PDE1B: variants seen among roughly 807,000 people sequenced by gnomAD.
The protein encoded by PDE1B is phosphodiesterase 1B.
A neutral mutation model predicts 66.7 loss-of-function variants in PDE1B; 13 were observed. The ratio of observed to expected loss-of-function variants is 0.19; its 90% CI spans 0.13 to 0.31. The LOEUF is 0.31. PDE1B is among the 10% of genes least tolerant of loss of function. The pLI is 1.00. For synonymous variants in PDE1B, 230 were observed against 253.9 expected, an observed-to-expected ratio of 0.91 and a Z score of 0.90; for missense variants, 485 against 682.3, an observed-to-expected ratio of 0.71 and a Z score of 3.22.
intron 2 of PDE1B, among the ~76,000 whole-genome samples, chr12:54,556,484 T>C (rs1277378657): frequency 6.6e-6 from 1 of 152,174 alleles, no homozygotes; most frequent in Non-Finnish European, 1.5e-5. Flanking sequence ...CTGCAACTGC[T>C]CCTTTTCCCT....
At chr12:54,566,126 C>T (rs368786582) in intron 2 of PDE1B, among the ~76,000 whole-genome samples, 1 of 152,192 alleles carries the variant, frequency 6.6e-6, no homozygotes, top group African/African-American at 2.4e-5. Flanking sequence ...AAGAAGTCTC[C>T]CAGTTAATCA....
In PDE1B at chr12:54,549,888, C is replaced by T. The variant is rs754159141; in HGVS notation, c.16C>T (p.Arg6Cys). The change falls in exon 2 of 16, where the codon CGC (arginine) becomes TGC (cysteine). Residue 6 changes from arginine to cysteine, a missense_variant. Coordinates refer to ENST00000243052, the MANE Select transcript of PDE1B (RefSeq NM_000924.4). Reference sequence around the variant, plus strand: ...GTGGCTGAGCATGGAGCTGTCCCCCCGCAGTCCTCCGGAGATGCTGGAGGA... The same window carrying T: ...GTGGCTGAGCATGGAGCTGTCCCCCTGCAGTCCTCCGGAGATGCTGGAGGA... MELSP[R>C]SPPEMLEESD... is the part of the protein sequence containing the mutation. 1 of 1,613,712 alleles carries T rather than the reference C, an allele frequency of 6.2e-7. No homozygotes were observed. Among genetic ancestry groups the T allele is most frequent in the Non-Finnish European group, 8.5e-7 (1 of 1,179,660 alleles).
At chr12:54,557,085 G>A (rs1957351056) in intron 2 of PDE1B, among the ~76,000 whole-genome samples, 2 of 152,158 alleles carry the variant, frequency 1.3e-5, no homozygotes, top group African/African-American at 4.8e-5. Context: ...GGCCTGGACT[G>A]AGTGAACACA....
chr12:54,575,870 C>A lies in PDE1B; in HGVS notation c.1268-122C>A. ...GCCCTGCATTGGGAAGTTTTCAGCC[C>A]CAGGTTACCTCTCCATCCTCTTTCA... On this transcript the variant is annotated intron_variant, in intron 12 of 15. Coordinates refer to ENST00000243052, the MANE Select transcript of PDE1B (RefSeq NM_000924.4). This position sits in a 1 kb window ranked among gnomAD's most constrained non-coding sequence, Gnocchi z 4.0. 1.2e-6 allele frequency: 1 copy of A among 821,140 alleles called. No homozygotes were observed. Among genetic ancestry groups the A allele is most frequent in the Admixed American group, 1.8e-5 (1 of 55,646 alleles). 50.9% of individuals were successfully genotyped at this position (821,140 alleles called of 1,614,324 possible).
rs373565313 is a variant in PDE1B at position 54,573,164 on chromosome 12, T to C, written c.752T>C (p.Ile251Thr). ...CTCCTGTAGCACTGCCTGTCGGAGA[T>C]TGAGCTCCTGGCCATCATCTTTGCT... ...RTGMVHCLSEIELLAIIFAAA... is the reference protein window; with the variant it reads ...RTGMVHCLSETELLAIIFAAA... Residue 251 changes from isoleucine to threonine, a missense_variant, in exon 8 of 16, where the codon ATT (isoleucine) becomes ACT (threonine). Around this residue, in one of 4 missense-constraint regions of PDE1B, gnomAD observed 282 missense variants for 453.4 expected, o/e 0.62. Transcript: ENST00000243052. The surrounding 1 kb of genome is among the most constrained non-coding windows in gnomAD (Gnocchi z 5.2). 1.1e-5 allele frequency: 18 copies of C among 1,613,806 alleles called. No individual in the cohort carries two copies. The highest frequency in any genetic ancestry group is 1.6e-4 in the Middle Eastern group (1 of 6,084).
At chr12:54,568,019 C>T (rs931256142) in intron 3 of PDE1B, among the ~76,000 whole-genome samples, 5 of 152,114 alleles carry the variant, frequency 3.3e-5, no homozygotes, top group Non-Finnish European at 7.4e-5. Context: ...CTACGCCCAG[C>T]TAATTTTTGT....
chr12:54,571,869 T>G (rs1391026102), intron 6 of PDE1B: 1 of 152,216 alleles, frequency 6.6e-6, no homozygotes, highest in Non-Finnish European at 1.5e-5. Flanking sequence ...GTCACTATAT[T>G]GCTCATCTCT....
chr12:54,552,628 C>T (rs535751947), intron 2 of PDE1B, among the ~76,000 whole-genome samples: 91 of 152,326 alleles, frequency 6.0e-4, no homozygotes, highest in Middle Eastern at 3.4e-3. Context: ...CTGTTTCCCA[C>T]ACTAAGACCC....
At chr12:54,572,517 A>G (rs1957634004) in intron 6 of PDE1B, 84 bp from the exon 7 acceptor site, 1 of 1,346,626 alleles carries the variant, frequency 7.4e-7, no homozygotes, top group South Asian at 1.2e-5. Context: ...ACTGCCTTCT[A>G]AAGAAAGTTG....
chr12:54,576,189 C>T, intron 13 of PDE1B, 89 bp downstream of exon 13: 1 of 837,474 alleles, frequency 1.2e-6, no homozygotes, highest in East Asian at 2.5e-5. Context: ...CGACTCACAG[C>T]CATGGTGGGG....
chr12:54,549,944 G>A lies in PDE1B; in HGVS notation c.72G>A (p.Lys24=). The A allele has an allele frequency of 1.2e-6, 2 of 1,614,194 alleles. No individual in the cohort carries two copies. The highest frequency in any genetic ancestry group is 8.5e-7 in the Non-Finnish European group (1 of 1,180,012). ...ESDCPSPLEL[K]SAPSKKMWIK... is the part of the protein sequence containing the mutation. ...ATTGCCCGTCACCCCTGGAGCTGAA[G>A]TCAGCCCCCAGCAAGAAGATGTGGA... The change falls in exon 2 of 16, where the codon AAG becomes AAA. Residue 24 remains lysine (K), a synonymous_variant. Coordinates refer to ENST00000243052, the MANE Select transcript of PDE1B (RefSeq NM_000924.4).
At chr12:54,563,917 G>C (rs1436431787) in intron 2 of PDE1B, among the ~76,000 whole-genome samples, 1 of 151,914 alleles carries the variant, frequency 6.6e-6, no homozygotes, top group Non-Finnish European at 1.5e-5. Context: ...GAGGCCTCAA[G>C]CTGAGGATTG....
rs942557153 is a variant in PDE1B at position 54,575,029 on chromosome 12, T to C, written c.1065-69T>C. The C allele has an allele frequency of 7.6e-6, 11 of 1,441,274 alleles. No homozygotes were observed. The highest frequency in any genetic ancestry group is 9.6e-6 in the Non-Finnish European group (10 of 1,039,810). The allele number at this position is 1,441,274 out of a possible 1,614,324, so 89.3% of individuals were successfully genotyped here. A position where few individuals can be genotyped will look rare whatever the true frequency, so the allele number is the denominator to read the frequency against. ...ATGTGATAGGGTGTGCGTGGGAAGT[T>C]AGGGAATGGTCCTAACTTCCTTTTC... is the stretch of plus-strand genomic sequence containing the variant. On this transcript the variant is annotated intron_variant, in intron 10 of 15. Transcript: ENST00000243052. This position sits in a 1 kb window ranked among gnomAD's most constrained non-coding sequence, Gnocchi z 4.0.
At chr12:54,570,837 G>C (rs1957603138) in intron 6 of PDE1B, 1 of 155,040 alleles carries the variant, frequency 6.4e-6, no homozygotes, top group African/African-American at 2.4e-5. Context: ...TGTATGACAG[G>C]GGGACGGTGT....
rs1287003444 is a variant in PDE1B at position 54,575,388 on chromosome 12, CATTTCATTTGCATAT to C, written c.1186-147_1186-133del. 1.3e-5 allele frequency: 10 copies of C among 773,056 alleles called. No individual in the cohort carries two copies. The highest frequency in any genetic ancestry group is 5.9e-5 in the Admixed American group (3 of 50,726). 47.9% of individuals were successfully genotyped at this position (773,056 alleles called of 1,614,324 possible). A position where few individuals can be genotyped will look rare whatever the true frequency, so the allele number is the denominator to read the frequency against. ...TATCCTAAAAGCCTAACAATAGTTG[CATTTCATTTGCATAT>C]ATTTCATTTGCATATTACTAATTTC... On this transcript the variant is annotated intron_variant, in intron 11 of 15. Coordinates refer to ENST00000243052, the MANE Select transcript of PDE1B (RefSeq NM_000924.4). This position sits in a 1 kb window ranked among gnomAD's most constrained non-coding sequence, Gnocchi z 4.0.
At chr12:54,568,132 C>T (rs1198360825) in intron 3 of PDE1B, among the ~76,000 whole-genome samples, 1 of 152,146 alleles carries the variant, frequency 6.6e-6, no homozygotes, top group Non-Finnish European at 1.5e-5. Flanking sequence ...CTGGGGATTA[C>T]AGGCGTGAGC....
At chr12:54,567,501 C>G (rs2121107958) in intron 3 of PDE1B, among the ~76,000 whole-genome samples, 2 of 110,608 alleles carry the variant, frequency 1.8e-5, no homozygotes, top group South Asian at 7.7e-4. Context: ...AAGACCCTGT[C>G]TCAAAATAAA....
intron 2 of PDE1B, among the ~76,000 whole-genome samples, chr12:54,552,472 C>T (rs1181923226): frequency 3.9e-5 from 6 of 152,094 alleles, no homozygotes; most frequent in African/African-American, 9.7e-5. Context: ...CATCCTATTC[C>T]CCCCCTTCTA....
At chr12:54,557,438 A>G in intron 2 of PDE1B, among the ~76,000 whole-genome samples, 1 of 152,186 alleles carries the variant, frequency 6.6e-6, no homozygotes, top group East Asian at 1.9e-4. Flanking sequence ...GCAGTGAGCC[A>G]GTCAGAAAGG....
Sources: allele counts gnomAD v4.1 joint callset (sites outside exome capture counted in the v4.1 genomes callset), GRCh38; gene constraint gnomAD v4.1.1; regional missense constraint gnomAD v4.1.1; non-coding constraint Gnocchi (gnomAD v3.1); transcripts MANE v1.5; gene names NCBI Gene and HGNC (gene_info 2026-07-23, HGNC 2026-07-21).